CRACDL: variants seen among roughly 807,000 people sequenced by gnomAD.
CRACDL encodes CRACD like.
Under a neutral mutation model 70.6 loss-of-function variants are expected in CRACDL, and 26 were observed. That is an observed-to-expected ratio of 0.37 (90% CI 0.27 to 0.51). The LOEUF is 0.51. Among genes scored for constraint, CRACDL ranks in the 20% least tolerant of loss-of-function variants. CRACDL has a pLI of 0.94. For missense variants in CRACDL, 1,283 were observed against 1,376.9 expected, an observed-to-expected ratio of 0.93 and a Z score of 1.08; for synonymous variants, 618 against 615.2, an observed-to-expected ratio of 1.00 and a Z score of -0.07.
intron 1 of CRACDL, among the ~76,000 whole-genome samples, chr2:98,880,925 G>C (rs1291544174): frequency 2.6e-5 from 4 of 152,204 alleles, no homozygotes; most frequent in African/African-American, 9.6e-5. Context: ...GTGGCTGAAG[G>C]AGAACTTGCA....
intron 7 of CRACDL, among the ~76,000 whole-genome samples, chr2:98,798,443 CAAA>C (rs70940125): frequency 0.038 from 1,695 of 44,266 alleles, 64 homozygotes; most frequent in African/African-American, 0.13. Flanking sequence ...GACTCCGTCT[CAAA>C]AAAAAAAAAA....
chr2:98,816,980 G>C (rs2104450433), intron 7 of CRACDL, among the ~76,000 whole-genome samples: 1 of 152,276 alleles, frequency 6.6e-6, no homozygotes, highest in South Asian at 2.1e-4. Flanking sequence ...AATGGATAAA[G>C]CAAATGCAGT....
intron 1 of CRACDL, among the ~76,000 whole-genome samples, chr2:98,859,653 C>T (rs1362787810): frequency 6.6e-6 from 1 of 152,154 alleles, no homozygotes; most frequent in Non-Finnish European, 1.5e-5. Context: ...TTGACAAACG[C>T]TTCCTCAGCA....
At chr2:98,853,266 A>G (rs1706556829) in intron 1 of CRACDL, among the ~76,000 whole-genome samples, 1 of 152,224 alleles carries the variant, frequency 6.6e-6, no homozygotes, top group African/African-American at 2.4e-5. Flanking sequence ...AAAATGACAC[A>G]TCATAAACAG....
intron 1 of CRACDL, among the ~76,000 whole-genome samples, chr2:98,927,433 G>A (rs923227422): frequency 4.0e-5 from 6 of 151,846 alleles, no homozygotes; most frequent in Non-Finnish European, 7.4e-5. Context: ...GAATGAGAGT[G>A]AATTCTGAGT....
At chr2:98,921,379 A>G (rs561792944) in intron 1 of CRACDL, among the ~76,000 whole-genome samples, 2 of 152,322 alleles carry the variant, frequency 1.3e-5, no homozygotes, top group Non-Finnish European at 2.9e-5. Context: ...TGAATAATAC[A>G]ATGCAGACAG....
chr2:98,887,003 A>G (rs1707814910), intron 1 of CRACDL, among the ~76,000 whole-genome samples: 1 of 152,226 alleles, frequency 6.6e-6, no homozygotes. Context: ...CTCATCAAAT[A>G]GACAATACAC....
In CRACDL at chr2:98,797,450, C is replaced by T; in HGVS notation, c.2504G>A (p.Arg835Lys). 6.2e-7 allele frequency: 1 copy of T among 1,614,246 alleles called. No homozygotes were observed. Among genetic ancestry groups the T allele is most frequent in the Non-Finnish European group, 8.5e-7 (1 of 1,180,038 alleles). Residue 835 changes from arginine (R) to lysine (K), a missense_variant, in exon 8 of 10, where the codon AGG becomes AAG. Coordinates refer to ENST00000397899, the MANE Select transcript of CRACDL (RefSeq NM_207362.3). ...PWITVTRQKRRGTLDQPPNQE... is the reference protein window; with the variant it reads ...PWITVTRQKRKGTLDQPPNQE... ...GTTGGGTGGCTGGTCCAAGGTCCCC[C>T]TCCGCTTCTGCCGAGTGACGGTGAT... is the stretch of plus-strand genomic sequence containing the variant.
intron 1 of CRACDL, among the ~76,000 whole-genome samples, chr2:98,874,353 CT>C (rs999327866): frequency 2.0e-5 from 3 of 152,262 alleles, no homozygotes; most frequent in Admixed American, 6.5e-5. Flanking sequence ...TGTTGCCCCC[CT>C]GATGGTTTCT....
chr2:98,851,114 T>C (rs1342858090), intron 1 of CRACDL, among the ~76,000 whole-genome samples: 2 of 152,218 alleles, frequency 1.3e-5, no homozygotes, highest in African/African-American at 4.8e-5. Context: ...TTTGGACCCC[T>C]GTGGATTCTT....
At chr2:98,846,331 A>T (rs867007405) in intron 2 of CRACDL, among the ~76,000 whole-genome samples, 10 of 152,212 alleles carry the variant, frequency 6.6e-5, no homozygotes, top group Non-Finnish European at 1.2e-4. Flanking sequence ...CTCCTGATGT[A>T]ATTATTTTTT....
intron 1 of CRACDL, among the ~76,000 whole-genome samples, chr2:98,876,495 C>T (rs567638821): frequency 6.3e-4 from 96 of 152,230 alleles, no homozygotes; most frequent in Middle Eastern, 3.4e-3. Context: ...CATAGGAGTG[C>T]GAGCCCTATT....
intron 1 of CRACDL, among the ~76,000 whole-genome samples, chr2:98,873,388 T>A (rs1707401914): frequency 6.6e-6 from 1 of 152,232 alleles, no homozygotes; most frequent in Non-Finnish European, 1.5e-5. Context: ...CACGGGTGCC[T>A]AGAACCTCTG....
At chr2:98,831,049 T>C (rs1705519305) in intron 5 of CRACDL, among the ~76,000 whole-genome samples, 1 of 152,092 alleles carries the variant, frequency 6.6e-6, no homozygotes, top group South Asian at 2.1e-4. Flanking sequence ...TTTGGAGGTG[T>C]TAAAAGGGGT....
chr2:98,927,115 A>C (rs1431586973), intron 1 of CRACDL, among the ~76,000 whole-genome samples: 1 of 152,222 alleles, frequency 6.6e-6, no homozygotes, highest in African/African-American at 2.4e-5. Flanking sequence ...TTCAGGGCTC[A>C]CGTCAAGAGG....
At chr2:98,834,069 G>A (rs112076841) in intron 3 of CRACDL, among the ~76,000 whole-genome samples, 3,198 of 152,314 alleles carry the variant, frequency 0.021, 117 homozygotes, top group African/African-American at 0.073. Flanking sequence ...GCCAACTGAA[G>A]GAATCAGGAC....
At chr2:98,861,583 C>A (rs1573094935) in intron 1 of CRACDL, among the ~76,000 whole-genome samples, 2 of 152,130 alleles carry the variant, frequency 1.3e-5, no homozygotes, top group African/African-American at 4.8e-5. Context: ...TAGATATCTA[C>A]CTCAGGGAAA....
At chr2:98,918,006 T>C (rs1708707248) in intron 1 of CRACDL, among the ~76,000 whole-genome samples, 1 of 152,192 alleles carries the variant, frequency 6.6e-6, no homozygotes, top group Non-Finnish European at 1.5e-5. Flanking sequence ...CACATTTTCT[T>C]TGTCCAATCA....
Position 98,823,459 on chromosome 2 carries a change from C to T in CRACDL, c.814G>A (p.Val272Ile), listed in dbSNP as rs1372440758. 6.3e-7 allele frequency: 1 copy of T among 1,593,126 alleles called. No homozygotes were observed. Among genetic ancestry groups the T allele is most frequent in the Non-Finnish European group, 8.5e-7 (1 of 1,177,200 alleles). Residue 272 changes from valine (V) to isoleucine (I), a missense_variant, in exon 7 of 10, where the codon GTC (valine) becomes ATC (isoleucine). Physicochemically the swap from Val to Ile is conservative, Grantham distance 29. This residue lies in a region of CRACDL where 362 missense variants were observed against 495.0 expected (regional missense o/e 0.73). Coordinates refer to ENST00000397899, the MANE Select transcript of CRACDL (RefSeq NM_207362.3). This position sits in a 1 kb window ranked among gnomAD's most constrained non-coding sequence, Gnocchi z 4.0. ...EENEEKPLLEVSPEERPSSGQ... is the reference protein window; with the variant it reads ...EENEEKPLLEISPEERPSSGQ... The stretch of plus-strand genomic sequence containing the variant: ...GAGCTGGGGCGCTCTTCTGGGCTGA[C>T]TTCCAAAAGTGGCTTCTCCTCGTTT...
Sources: allele counts gnomAD v4.1 joint callset (sites outside exome capture counted in the v4.1 genomes callset), GRCh38; gene constraint gnomAD v4.1.1; regional missense constraint gnomAD v4.1.1; non-coding constraint Gnocchi (gnomAD v3.1); transcripts MANE v1.5; gene names NCBI Gene and HGNC (gene_info 2026-07-23, HGNC 2026-07-21).